Variants in OR4D11 observed in about 807,000 individuals in gnomAD.
The protein encoded by OR4D11 is olfactory receptor 4D11.
Under a neutral mutation model 11.7 loss-of-function variants are expected in OR4D11, and 11 were observed. The observed-to-expected ratio is 0.94, with a 90% CI of 0.59 to 1.56. OR4D11 has a LOEUF of 1.56. OR4D11 is among the 40% of genes most tolerant of loss of function. The pLI is 0.00. For missense variants in OR4D11, 384 were observed against 373.9 expected, an observed-to-expected ratio of 1.03 and a Z score of -0.22; for synonymous variants, 165 against 150.0, an observed-to-expected ratio of 1.10 and a Z score of -0.73.
In OR4D11 at chr11:59,504,440, CTG is replaced by C; in HGVS notation, c.866_867del (p.Leu289GlnfsTer20). ...SPLLNPLIYT[L>X]RNQEMKSAMR... is the part of the protein sequence containing the mutation. ...TCTGCTGAACCCTTTGATCTACACT[CTG>C]AGGAACCAGGAAATGAAGTCAGCCA... On this transcript the variant is annotated frameshift_variant, in exon 1 of 1. Transcript: ENST00000313253. LOFTEE classifies it high-confidence loss of function. 6.2e-7 allele frequency: 1 copy of C among 1,614,216 alleles called. No homozygotes were observed. The highest frequency in any genetic ancestry group is 8.5e-7 in the Non-Finnish European group (1 of 1,180,024).
rs781744347 is a variant in OR4D11 at position 59,504,311 on chromosome 11, G to A, written c.736G>A (p.Val246Met). The A allele has an allele frequency of 7.4e-6, 12 of 1,614,118 alleles. No individual in the cohort carries two copies. Among genetic ancestry groups the A allele is most frequent in the Middle Eastern group, 1.6e-4 (1 of 6,062 alleles). Residue 246 changes from valine (V) to methionine (M), a missense_variant, in exon 1 of 1, where the codon GTG (valine) becomes ATG (methionine). Transcript: ENST00000313253. ...AISTCTSHITVVTLHFVPCIY... is the reference protein window; with the variant it reads ...AISTCTSHITMVTLHFVPCIY... Reference sequence around the variant, plus strand: ...CTCCACTTGCACCTCCCACATCACTGTGGTGACCCTGCATTTTGTGCCCTG... The same window carrying A: ...CTCCACTTGCACCTCCCACATCACTATGGTGACCCTGCATTTTGTGCCCTG...
chr11:59,504,147 A>T lies in OR4D11; in HGVS notation c.572A>T (p.Asp191Val). 1 of 1,614,062 alleles carries T rather than the reference A, an allele frequency of 6.2e-7. No individual in the cohort carries two copies. Among genetic ancestry groups the T allele is most frequent in the East Asian group, 2.2e-5 (1 of 44,866 alleles). ...VPQVLKLTCT[D>V]TFALEFLMIS... ...CAGGTCCTCAAACTCACTTGCACTGACACTTTTGCTCTTGAGTTCTTGATG... is the reference window on the plus strand; with the variant it reads ...CAGGTCCTCAAACTCACTTGCACTGTCACTTTTGCTCTTGAGTTCTTGATG... The change falls in exon 1 of 1, where the codon GAC becomes GTC. Residue 191 changes from aspartate to valine, a missense_variant. By Grantham distance (152) the Asp-to-Val change is radical (BLOSUM62 -3). Transcript: ENST00000313253.
Position 59,504,235 on chromosome 11 carries a change from C to T in OR4D11, c.660C>T (p.Val220=). The change falls in exon 1 of 1, where the codon GTC becomes GTT. Residue 220 remains valine, a synonymous_variant. Transcript: ENST00000313253. ...TCTTCCTGCTTGTGTCCTACACAGT[C>T]ATCCTAATGACGCTGAGGTCTCAGG... ...WFIFLLVSYT[V]ILMTLRSQAG... is the part of the protein sequence containing the mutation. 2 of 1,614,214 alleles carry T rather than the reference C, an allele frequency of 1.2e-6. No homozygotes were observed. The highest frequency in any genetic ancestry group is 1.7e-6 in the Non-Finnish European group (2 of 1,180,042).
chr11:59,504,239 C>T lies in OR4D11; in HGVS notation c.664C>T (p.Leu222=). Residue 222 remains leucine (L), a synonymous_variant, in exon 1 of 1, where the codon CTA becomes TTA. Coordinates refer to ENST00000313253, the MANE Select transcript of OR4D11 (RefSeq NM_001004706.1). Reference sequence around the variant, plus strand: ...CCTGCTTGTGTCCTACACAGTCATCCTAATGACGCTGAGGTCTCAGGCAGG... The same window carrying T: ...CCTGCTTGTGTCCTACACAGTCATCTTAATGACGCTGAGGTCTCAGGCAGG... ...IFLLVSYTVI[L]MTLRSQAGGG... 3 of 1,614,194 alleles carry T rather than the reference C, an allele frequency of 1.9e-6. No homozygotes were observed. Among genetic ancestry groups the T allele is most frequent in the Non-Finnish European group, 2.5e-6 (3 of 1,180,026 alleles).
chr11:59,504,227 T>C lies in OR4D11; in HGVS notation c.652T>C (p.Tyr218His). The part of the protein sequence containing the change: ...TLWFIFLLVS[Y>H]TVILMTLRSQ... The stretch of plus-strand genomic sequence containing the variant: ...GTGGTTTATCTTCCTGCTTGTGTCC[T>C]ACACAGTCATCCTAATGACGCTGAG... The change falls in exon 1 of 1, where the codon TAC (tyrosine) becomes CAC (histidine). Residue 218 changes from tyrosine (Y) to histidine (H), a missense_variant. Tyr to His is a moderately conservative substitution (Grantham distance 83). Transcript: ENST00000313253. 1 of 1,614,216 alleles carries C rather than the reference T, an allele frequency of 6.2e-7. No individual in the cohort carries two copies. Among genetic ancestry groups the C allele is most frequent in the African/African-American group, 1.3e-5 (1 of 75,060 alleles).
At position 59,504,362 on chromosome 11, in the gene OR4D11, A is replaced by C; in HGVS notation, c.787A>C (p.Thr263Pro). ...PCIYVYARPF[T>P]ALPTEKAISV... ...CATCTATGTCTATGCCCGGCCCTTCACTGCCCTCCCCACAGAAAAGGCCAT... is the reference window on the plus strand; with the variant it reads ...CATCTATGTCTATGCCCGGCCCTTCCCTGCCCTCCCCACAGAAAAGGCCAT... The change falls in exon 1 of 1, where the codon ACT becomes CCT. Residue 263 changes from threonine to proline, a missense_variant. Physicochemically the swap from Thr to Pro is conservative, Grantham distance 38. Coordinates refer to ENST00000313253, the MANE Select transcript of OR4D11 (RefSeq NM_001004706.1). 1 of 1,614,068 alleles carries C rather than the reference A, an allele frequency of 6.2e-7. No individual in the cohort carries two copies. The highest frequency in any genetic ancestry group is 8.5e-7 in the Non-Finnish European group (1 of 1,179,994).
Position 59,503,715 on chromosome 11 carries a change from T to C in OR4D11, c.140T>C (p.Val47Ala), listed in dbSNP as rs1453250367. The change falls in exon 1 of 1, where the codon GTC becomes GCC. Residue 47 changes from valine (V) to alanine (A), a missense_variant. Physicochemically the swap from Val to Ala is moderately conservative, Grantham distance 64. Coordinates refer to ENST00000313253, the MANE Select transcript of OR4D11 (RefSeq NM_001004706.1). ...CTGCTGGGAAACCTCCTCATCATGGTCACCGTGACCTGTGAGTCTCGCCTT... is the reference window on the plus strand; with the variant it reads ...CTGCTGGGAAACCTCCTCATCATGGCCACCGTGACCTGTGAGTCTCGCCTT... The part of the protein sequence containing the change: ...TTLLGNLLIM[V>A]TVTCESRLHT... The C allele has an allele frequency of 4.3e-6, 7 of 1,613,780 alleles. No individual in the cohort carries two copies. Among genetic ancestry groups the C allele is most frequent in the Non-Finnish European group, 5.9e-6 (7 of 1,179,682 alleles).
At position 59,504,085 on chromosome 11, in the gene OR4D11, A is replaced by G. The variant is rs1859232339; in HGVS notation, c.510A>G (p.Gly170=). The stretch of plus-strand genomic sequence containing the variant: ...TGTTGCTGCCTCTCCCTTTCTGTGG[A>G]CCCAATGTTCTTGACACTTTCTACT... The part of the protein sequence containing the change: ...ISLLLPLPFC[G]PNVLDTFYCD... The change falls in exon 1 of 1, where the codon GGA becomes GGG. Residue 170 remains glycine, a synonymous_variant. Transcript: ENST00000313253. 3 of 1,613,836 alleles carry G rather than the reference A, an allele frequency of 1.9e-6. No homozygotes were observed. The South Asian group carries it at 3.3e-5, about 18-fold the overall frequency.
rs747688060 is a variant in OR4D11, at chr11:59,504,084, G to A, written c.509G>A (p.Gly170Glu). Residue 170 changes from glycine (G) to glutamate (E), a missense_variant, in exon 1 of 1, where the codon GGA becomes GAA. Physicochemically the swap from Gly to Glu is moderately conservative, Grantham distance 98 (BLOSUM62 -2). Coordinates refer to ENST00000313253, the MANE Select transcript of OR4D11 (RefSeq NM_001004706.1). ...CTGTTGCTGCCTCTCCCTTTCTGTG[G>A]ACCCAATGTTCTTGACACTTTCTAC... ...ISLLLPLPFC[G>E]PNVLDTFYCD... The A allele has an allele frequency of 9.3e-6, 15 of 1,613,984 alleles. No homozygotes were observed. Among genetic ancestry groups the A allele is most frequent in the Middle Eastern group, 1.6e-4 (1 of 6,084 alleles).
rs1442503273 is a variant in OR4D11, at chr11:59,504,125, G to C, written c.550G>C (p.Val184Leu). Residue 184 changes from valine (V) to leucine (L), a missense_variant, in exon 1 of 1, where the codon GTC becomes CTC. Val to Leu is a conservative substitution (Grantham distance 32). Transcript: ENST00000313253. The stretch of plus-strand genomic sequence containing the variant: ...CACTTTCTACTGCGATGTCCCCCAG[G>C]TCCTCAAACTCACTTGCACTGACAC... Reference protein sequence around the residue: ...LDTFYCDVPQVLKLTCTDTFA... With the variant: ...LDTFYCDVPQLLKLTCTDTFA... The C allele has an allele frequency of 4.0e-5, 64 of 1,614,006 alleles. No homozygotes were observed. The highest frequency in any genetic ancestry group is 4.9e-5 in the Non-Finnish European group (58 of 1,180,046).
At position 59,504,225 on chromosome 11, in the gene OR4D11, C is replaced by T; in HGVS notation, c.650C>T (p.Ser217Phe). The T allele has an allele frequency of 1.9e-6, 3 of 1,614,172 alleles. No homozygotes were observed. Among genetic ancestry groups the T allele is most frequent in the Non-Finnish European group, 2.5e-6 (3 of 1,180,034 alleles). Residue 217 changes from serine (S) to phenylalanine (F), a missense_variant, in exon 1 of 1, where the codon TCC (serine) becomes TTC (phenylalanine). Ser to Phe is a radical substitution (Grantham distance 155, BLOSUM62 -2). Transcript: ENST00000313253. The part of the protein sequence containing the change: ...TTLWFIFLLV[S>F]YTVILMTLRS... ...CTGTGGTTTATCTTCCTGCTTGTGT[C>T]CTACACAGTCATCCTAATGACGCTG...
rs371729773 is a variant in OR4D11 at position 59,504,403 on chromosome 11, T to C, written c.828T>C (p.Thr276=). The C allele has an allele frequency of 6.3e-5, 102 of 1,614,036 alleles. 2 individuals are homozygous for C. The East Asian group carries it at 9.6e-4, about 15-fold the overall frequency. Residue 276 remains threonine (T), a synonymous_variant, in exon 1 of 1, where the codon ACT becomes ACC. Transcript: ENST00000313253. ...PTEKAISVTF[T]VISPLLNPLI... Reference sequence around the variant, plus strand: ...AAAAGGCCATCTCTGTCACCTTCACTGTCATCTCCCCTCTGCTGAACCCTT... The same window carrying C: ...AAAAGGCCATCTCTGTCACCTTCACCGTCATCTCCCCTCTGCTGAACCCTT...
In OR4D11 at chr11:59,503,918, C is replaced by T. The variant is rs1367743128; in HGVS notation, c.343C>T (p.Leu115Phe). ...CCTTGGTGGGGCAGACATTTTTTCTCTCTCTGTGATGGCGTTTGACTGCTA... is the reference window on the plus strand; with the variant it reads ...CCTTGGTGGGGCAGACATTTTTTCTTTCTCTGTGATGGCGTTTGACTGCTA... ...HLLGGADIFS[L>F]SVMAFDCYMA... The change falls in exon 1 of 1, where the codon CTC becomes TTC. Residue 115 changes from leucine (L) to phenylalanine (F), a missense_variant. Coordinates refer to ENST00000313253, the MANE Select transcript of OR4D11 (RefSeq NM_001004706.1). 2 of 1,613,874 alleles carry T rather than the reference C, an allele frequency of 1.2e-6. No homozygotes were observed. The highest frequency in any genetic ancestry group is 2.2e-5 in the East Asian group (1 of 44,876).
At position 59,504,069 on chromosome 11, in the gene OR4D11, C is replaced by T. The variant is rs1859231986; in HGVS notation, c.494C>T (p.Pro165Leu). 2 of 1,613,814 alleles carry T rather than the reference C, an allele frequency of 1.2e-6. No homozygotes were observed. The highest frequency in any genetic ancestry group is 1.3e-5 in the African/African-American group (1 of 74,824). ...HSIVQISLLL[P>L]LPFCGPNVLD... ...ATCGTGCAGATCTCCCTGTTGCTGCCTCTCCCTTTCTGTGGACCCAATGTT... is the reference window on the plus strand; with the variant it reads ...ATCGTGCAGATCTCCCTGTTGCTGCTTCTCCCTTTCTGTGGACCCAATGTT... The change falls in exon 1 of 1, where the codon CCT becomes CTT. Residue 165 changes from proline (P) to leucine (L), a missense_variant. Coordinates refer to ENST00000313253, the MANE Select transcript of OR4D11 (RefSeq NM_001004706.1).
Position 59,503,899 on chromosome 11 carries a change from T to G in OR4D11, c.324T>G (p.Gly108=). 1.2e-5 allele frequency: 19 copies of G among 1,614,026 alleles called. No individual in the cohort carries two copies. The highest frequency in any genetic ancestry group is 1.6e-5 in the Non-Finnish European group (19 of 1,179,870). The part of the protein sequence containing the change: ...MTQIFLFHLL[G]GADIFSLSVM... ...AGATATTTCTCTTCCACCTCCTTGG[T>G]GGGGCAGACATTTTTTCTCTCTCTG... Residue 108 remains glycine (G), a synonymous_variant, in exon 1 of 1, where the codon GGT becomes GGG. Transcript: ENST00000313253.
Position 59,504,329 on chromosome 11 carries a change from G to A in OR4D11, c.754G>A (p.Val252Met), listed in dbSNP as rs200613955. Residue 252 changes from valine (V) to methionine (M), a missense_variant, in exon 1 of 1, where the codon GTG becomes ATG. By Grantham distance (21) the Val-to-Met change is conservative. Coordinates refer to ENST00000313253, the MANE Select transcript of OR4D11 (RefSeq NM_001004706.1). ...SHITVVTLHF[V>M]PCIYVYARPF... Reference sequence around the variant, plus strand: ...CATCACTGTGGTGACCCTGCATTTTGTGCCCTGCATCTATGTCTATGCCCG... The same window carrying A: ...CATCACTGTGGTGACCCTGCATTTTATGCCCTGCATCTATGTCTATGCCCG... 9.2e-5 allele frequency: 149 copies of A among 1,614,076 alleles called. No homozygotes were observed. Among genetic ancestry groups the A allele is most frequent in the Middle Eastern group, 3.3e-4 (2 of 6,058 alleles).
At position 59,503,735 on chromosome 11, in the gene OR4D11, C is replaced by T. The variant is rs767134245; in HGVS notation, c.160C>T (p.Arg54Cys). ...LIMVTVTCESRLHTPMYFLLR... is the reference protein window; with the variant it reads ...LIMVTVTCESCLHTPMYFLLR... ...CATGGTCACCGTGACCTGTGAGTCT[C>T]GCCTTCACACCCCCATGTACTTCCT... The change falls in exon 1 of 1, where the codon CGC (arginine) becomes TGC (cysteine). Residue 54 changes from arginine to cysteine, a missense_variant. Physicochemically the swap from Arg to Cys is radical, Grantham distance 180. Coordinates refer to ENST00000313253, the MANE Select transcript of OR4D11 (RefSeq NM_001004706.1). The T allele has an allele frequency of 9.3e-6, 15 of 1,613,620 alleles. No homozygotes were observed. The East Asian group carries it at 1.1e-4, about 12-fold the overall frequency.
rs374819635 is a variant in OR4D11 at position 59,504,112 on chromosome 11, C to A, written c.537C>A (p.Cys179Ter). 3 of 1,614,190 alleles carry A rather than the reference C, an allele frequency of 1.9e-6. No homozygotes were observed. The East Asian group carries it at 6.7e-5, about 36-fold the overall frequency. Residue 179 changes from cysteine to a stop codon, truncating the protein, a stop_gained, in exon 1 of 1, where the codon TGC becomes TGA. Transcript: ENST00000313253. LOFTEE classifies it high-confidence loss of function. ...CGPNVLDTFY[C>*]DVPQVLKLTC... ...CCAATGTTCTTGACACTTTCTACTGCGATGTCCCCCAGGTCCTCAAACTCA... is the reference window on the plus strand; with the variant it reads ...CCAATGTTCTTGACACTTTCTACTGAGATGTCCCCCAGGTCCTCAAACTCA...
chr11:59,504,409 C>T lies in OR4D11; in HGVS notation c.834C>T (p.Ile278=), dbSNP rs11823447. The change falls in exon 1 of 1, where the codon ATC becomes ATT. Residue 278 remains isoleucine, a synonymous_variant. Transcript: ENST00000313253. The part of the protein sequence containing the change: ...EKAISVTFTV[I]SPLLNPLIYT... Reference sequence around the variant, plus strand: ...CCATCTCTGTCACCTTCACTGTCATCTCCCCTCTGCTGAACCCTTTGATCT... The same window carrying T: ...CCATCTCTGTCACCTTCACTGTCATTTCCCCTCTGCTGAACCCTTTGATCT... The T allele has an allele frequency of 8.5e-4, 1,278 of 1,502,782 alleles. 11 individuals are homozygous for T. In the African/African-American group the frequency reaches 0.018, roughly 21 times the overall value. The allele number at this position is 1,502,782 out of a possible 1,614,324, so 93.1% of individuals were successfully genotyped here.
Sources: allele counts gnomAD v4.1 joint callset, GRCh38; gene constraint gnomAD v4.1.1; transcripts MANE v1.5; gene names NCBI Gene and HGNC (gene_info 2026-07-23, HGNC 2026-07-21).